Variants in KIAA1328 observed in about 807,000 individuals in gnomAD.
KIAA1328 encodes protein hinderin.
KIAA1328 carries 52 observed loss-of-function variants against 68.1 expected under a neutral mutation model. The ratio of observed to expected loss-of-function variants is 0.76; its 90% CI spans 0.61 to 0.96. KIAA1328 has a LOEUF of 0.96. KIAA1328 is among the 40% of genes least tolerant of loss of function. The probability of loss-of-function intolerance (pLI) is 0.00; values close to 1 mark genes in which losing one functional copy is unlikely to be tolerated. For synonymous variants in KIAA1328, 232 were observed against 239.4 expected, an observed-to-expected ratio of 0.97 and a Z score of 0.28; for missense variants, 641 against 677.6, an observed-to-expected ratio of 0.95 and a Z score of 0.60.
chr18:36,996,351 TTAAA>T (rs369183597), intron 6 of KIAA1328, among the ~76,000 whole-genome samples: 12 of 152,272 alleles, frequency 7.9e-5, no homozygotes, highest in African/African-American at 2.2e-4. Flanking sequence ...GTCAGAGAGA[TTAAA>T]TAACTTGCTG....
intron 9 of KIAA1328, among the ~76,000 whole-genome samples, chr18:37,203,710 G>A (rs1242578128): frequency 6.6e-6 from 1 of 152,194 alleles, no homozygotes; most frequent in Non-Finnish European, 1.5e-5. Flanking sequence ...AGGCCAGGGA[G>A]GGCATACTGG....
At chr18:37,003,802 T>TG (rs2053676872) in intron 6 of KIAA1328, among the ~76,000 whole-genome samples, 1 of 152,148 alleles carries the variant, frequency 6.6e-6, no homozygotes, top group Admixed American at 6.6e-5. Context: ...TTCTCTTAAA[T>TG]GTGGCTTGCC....
intron 6 of KIAA1328, among the ~76,000 whole-genome samples, chr18:37,033,732 A>G (rs2054921072): frequency 6.6e-6 from 1 of 152,162 alleles, no homozygotes; most frequent in African/African-American, 2.4e-5. Flanking sequence ...TTTTCTAAGG[A>G]TTCTGTCATG....
chr18:36,955,702 T>C (rs1174934668), intron 5 of KIAA1328: 1 of 152,178 alleles, frequency 6.6e-6, no homozygotes, highest in East Asian at 1.9e-4. Context: ...GTTTACTTTA[T>C]ACTTTCTCTA....
At chr18:37,078,984 A>T (rs561190993) in intron 7 of KIAA1328, among the ~76,000 whole-genome samples, 1,704 of 152,056 alleles carry the variant, frequency 0.011, 26 homozygotes, top group African/African-American at 0.039. Context: ...TACTGGGTAT[A>T]TACCCAAAGG....
intron 7 of KIAA1328, among the ~76,000 whole-genome samples, chr18:37,118,241 C>T (rs749655765): frequency 8.5e-5 from 13 of 152,048 alleles, no homozygotes; most frequent in Admixed American, 2.6e-4. Flanking sequence ...GTGATCCACC[C>T]GCCTCAGCCT....
intron 9 of KIAA1328, among the ~76,000 whole-genome samples, chr18:37,204,354 G>A (rs1055628433): frequency 2.6e-5 from 4 of 152,090 alleles, no homozygotes; most frequent in Non-Finnish European, 5.9e-5. Flanking sequence ...ACTAAGTCAC[G>A]TGAACTTGAA....
chr18:36,935,869 T>A (rs1458700248), intron 5 of KIAA1328, among the ~76,000 whole-genome samples: 1 of 152,174 alleles, frequency 6.6e-6, no homozygotes, highest in Non-Finnish European at 1.5e-5. Flanking sequence ...GCAATTTGCA[T>A]GTATTAATGA....
At chr18:36,915,547 T>C (rs2049658451) in intron 5 of KIAA1328, among the ~76,000 whole-genome samples, 1 of 152,200 alleles carries the variant, frequency 6.6e-6, no homozygotes, top group Non-Finnish European at 1.5e-5. Context: ...GACAGCATAG[T>C]ACGGCAATAA....
Position 37,223,046 on chromosome 18 carries a change from C to CCGGGGGGGGGGGGGG in KIAA1328, c.*819_*820insCGGGGGGGGGGGGGG. ...TATTTACCCAAGTGTTCAGCTTATTCACCCCACCCCCCCACCCCCCATCAC... is the reference window on the plus strand; with the variant it reads ...TATTTACCCAAGTGTTCAGCTTATTCCGGGGGGGGGGGGGGACCCCACCCCCCCACCCCCCATCAC... On this transcript the variant is annotated 3_prime_UTR_variant, in exon 10 of 10. Coordinates refer to ENST00000280020, the MANE Select transcript of KIAA1328 (RefSeq NM_020776.3). 1.1e-6 allele frequency: 1 copy of CCGGGGGGGGGGGGGG among 881,430 alleles called. No homozygotes were observed. The highest frequency in any genetic ancestry group is 1.3e-6 in the Non-Finnish European group (1 of 743,506). The allele number at this position is 881,430 out of a possible 1,614,324, so 54.6% of individuals were successfully genotyped here. A position where few individuals can be genotyped will look rare whatever the true frequency, so the allele number is the denominator to read the frequency against.
intron 4 of KIAA1328, among the ~76,000 whole-genome samples, chr18:36,862,571 A>C (rs1487465805): frequency 6.6e-6 from 1 of 152,156 alleles, no homozygotes; most frequent in African/African-American, 2.4e-5. Flanking sequence ...GTATTCCATG[A>C]TAGAGATGTA....
chr18:37,201,028 G>A (rs1599579451), intron 9 of KIAA1328, among the ~76,000 whole-genome samples: 4 of 152,268 alleles, frequency 2.6e-5, no homozygotes, highest in East Asian at 1.9e-4. Context: ...GGGGGAAGGG[G>A]AGATGTCTCA....
chr18:37,052,554 C>T (rs538117882), intron 6 of KIAA1328, among the ~76,000 whole-genome samples: 7 of 152,052 alleles, frequency 4.6e-5, no homozygotes, highest in Non-Finnish European at 1.0e-4. Context: ...CAAATTATCT[C>T]TGTTCACTGA....
chr18:36,971,818 A>G (rs953445397), intron 6 of KIAA1328, among the ~76,000 whole-genome samples: 1 of 152,108 alleles, frequency 6.6e-6, no homozygotes, highest in African/African-American at 2.4e-5. Flanking sequence ...GAATATATGG[A>G]CCCAAAGAGA....
chr18:36,887,616 T>C (rs1353686292), intron 5 of KIAA1328, among the ~76,000 whole-genome samples: 1 of 152,162 alleles, frequency 6.6e-6, no homozygotes, highest in African/African-American at 2.4e-5. Flanking sequence ...TGGTCTTTTA[T>C]ATGATATTTA....
At chr18:37,180,268 C>A (rs995605041) in intron 9 of KIAA1328, among the ~76,000 whole-genome samples, 1 of 152,060 alleles carries the variant, frequency 6.6e-6, no homozygotes, top group African/African-American at 2.4e-5. Context: ...GTAGTATTAT[C>A]CGATTTGACA....
At chr18:36,838,528 G>A (rs1246241) in intron 3 of KIAA1328, among the ~76,000 whole-genome samples, 59,917 of 151,970 alleles carry the variant, frequency 0.39, 13,665 homozygotes, top group African/African-American at 0.63. Context: ...AGATATTTTT[G>A]CTGGTTATAA....
In KIAA1328 at chr18:37,224,596, A is replaced by T. The variant is rs375600629; in HGVS notation, c.*2369A>T. ...TTAACATTTTAATCTATTTAAATTT[A>T]CTTTGAAATATATACATACATATGA... On this transcript the variant is annotated 3_prime_UTR_variant, in exon 10 of 10. Transcript: ENST00000280020. The T allele has an allele frequency of 1.0e-6, 1 of 971,676 alleles. No homozygotes were observed. 60.2% of individuals were successfully genotyped at this position (971,676 alleles called of 1,614,324 possible).
intron 9 of KIAA1328, among the ~76,000 whole-genome samples, chr18:37,214,151 T>A (rs564808199): frequency 7.4e-4 from 113 of 152,356 alleles, no homozygotes; most frequent in African/African-American, 2.3e-3. Flanking sequence ...CTCTTCAGTT[T>A]AATTAGATCC....
Sources: allele counts gnomAD v4.1 joint callset (sites outside exome capture counted in the v4.1 genomes callset), GRCh38; gene constraint gnomAD v4.1.1; transcripts MANE v1.5; gene names NCBI Gene and HGNC (gene_info 2026-07-23, HGNC 2026-07-21).